Variants in EYS observed in about 807,000 individuals in gnomAD.
EYS encodes protein eyes shut homolog.
In EYS, 250 loss-of-function variants were observed where a neutral mutation model predicts 282.1. The observed-to-expected ratio is 0.89, with a 90% CI of 0.80 to 0.98. The LOEUF is 0.98. Among genes scored for constraint, EYS ranks in the 50% least tolerant of loss-of-function variants. The probability of loss-of-function intolerance (pLI) is 0.00; values close to 1 mark genes in which losing one functional copy is unlikely to be tolerated. For synonymous variants in EYS, 1,355 were observed against 1,282.9 expected, an observed-to-expected ratio of 1.06 and a Z score of -1.20; for missense variants, 4,016 against 3,709.0, an observed-to-expected ratio of 1.08 and a Z score of -2.15.
intron 30 of EYS, among the ~76,000 whole-genome samples, chr6:64,258,477 T>A (rs536653418): frequency 1.8e-4 from 28 of 152,102 alleles, no homozygotes; most frequent in Middle Eastern, 3.4e-3. Flanking sequence ...GCTCAGAGGA[T>A]AAAGTGGGTA....
At chr6:64,430,211 T>C (rs986622574) in intron 28 of EYS, among the ~76,000 whole-genome samples, 1 of 152,190 alleles carries the variant, frequency 6.6e-6, no homozygotes, top group Non-Finnish European at 1.5e-5. Context: ...CTAAAATTTG[T>C]GGTTTCTTTC....
intron 34 of EYS, among the ~76,000 whole-genome samples, chr6:63,994,262 G>A (rs1011944202): frequency 9.2e-5 from 14 of 151,860 alleles, no homozygotes; most frequent in African/African-American, 3.1e-4. Context: ...TAATTACACG[G>A]CATTAAAATT....
chr6:63,830,320 G>C (rs984577551), intron 36 of EYS, among the ~76,000 whole-genome samples: 9 of 152,124 alleles, frequency 5.9e-5, no homozygotes, highest in Non-Finnish European at 1.3e-4. Context: ...TAAAAACCTT[G>C]ATAAAAGATT....
intron 29 of EYS, among the ~76,000 whole-genome samples, chr6:64,341,980 A>G (rs1771132010): frequency 1.3e-5 from 2 of 151,698 alleles, no homozygotes; most frequent in Admixed American, 1.3e-4. Context: ...TAAGTAAACC[A>G]TAAAATATGG....
chr6:65,349,912 G>A (rs1325265500), intron 9 of EYS, among the ~76,000 whole-genome samples: 1 of 151,416 alleles, frequency 6.6e-6, no homozygotes, highest in African/African-American at 2.4e-5. Context: ...GAAGTTGCAT[G>A]TTTTTGTTAA....
chr6:64,590,828 T>A lies in EYS; in HGVS notation c.5039A>T (p.Asn1680Ile), dbSNP rs1010501565. The change falls in exon 26 of 43, where the codon AAT becomes ATT. Residue 1680 changes from asparagine (N) to isoleucine (I), a missense_variant. Transcript: ENST00000503581. ...PSQTISSDLM[N>I]SDLTSKMTTD... ...AGTCATTTTTGAAGTCAAATCAGAATTCATCAAGTCTGAAGAGATAGTTTG... is the reference window on the plus strand; with the variant it reads ...AGTCATTTTTGAAGTCAAATCAGAAATCATCAAGTCTGAAGAGATAGTTTG... 2.6e-6 allele frequency: 4 copies of A among 1,550,376 alleles called. No individual in the cohort carries two copies. The African/African-American group carries it at 5.5e-5, about 21-fold the overall frequency.
At chr6:65,125,144 A>G (rs945909779) in intron 12 of EYS, among the ~76,000 whole-genome samples, 1 of 152,234 alleles carries the variant, frequency 6.6e-6, no homozygotes, top group Admixed American at 6.5e-5. Flanking sequence ...AGACTTTAAA[A>G]TAATGGAAAA....
At chr6:65,053,389 G>A (rs187535537) in intron 13 of EYS, among the ~76,000 whole-genome samples, 190 of 151,786 alleles carry the variant, frequency 1.3e-3, no homozygotes, top group African/African-American at 4.4e-3. Context: ...ATAAAGTTAT[G>A]TATTATTATT....
At chr6:64,798,704 G>T (rs1774441629) in intron 22 of EYS, among the ~76,000 whole-genome samples, 1 of 149,394 alleles carries the variant, frequency 6.7e-6, no homozygotes, top group Admixed American at 6.7e-5. Flanking sequence ...AAGTGGAGGA[G>T]ATCCTTAGTC....
intron 22 of EYS, among the ~76,000 whole-genome samples, chr6:64,692,976 G>GGTTTTTTTTTT (rs1583048324): frequency 3.3e-4 from 1 of 3,068 alleles, no homozygotes; most frequent in African/African-American, 5.7e-4. Flanking sequence ...GGCTGCTTGG[G>GGTTTTTTTTTT]CTTTTTTTTT....
At chr6:64,225,578 A>T (rs1305641029) in intron 31 of EYS, among the ~76,000 whole-genome samples, 1 of 152,120 alleles carries the variant, frequency 6.6e-6, no homozygotes, top group Non-Finnish European at 1.5e-5. Flanking sequence ...CAAAAGATGC[A>T]GACATCTTCT....
chr6:64,621,736 C>T (rs2149853140), intron 23 of EYS, among the ~76,000 whole-genome samples: 1 of 152,258 alleles, frequency 6.6e-6, no homozygotes, highest in South Asian at 2.1e-4. Flanking sequence ...ACTTTAAGGG[C>T]AAAACATGCA....
intron 22 of EYS, among the ~76,000 whole-genome samples, chr6:64,735,374 T>TA (rs1466833534): frequency 1.3e-5 from 2 of 152,228 alleles, no homozygotes; most frequent in African/African-American, 2.4e-5. Flanking sequence ...TGAACCACCG[T>TA]GCCCGGCCAG....
chr6:63,919,684 G>A (rs1463890675), intron 35 of EYS, among the ~76,000 whole-genome samples: 2 of 152,250 alleles, frequency 1.3e-5, no homozygotes, highest in African/African-American at 4.8e-5. Flanking sequence ...TTCCCTAGGT[G>A]AAAGGAAAGT....
intron 26 of EYS, among the ~76,000 whole-genome samples, chr6:64,440,967 C>T (rs929179312): frequency 6.6e-6 from 1 of 152,032 alleles, no homozygotes; most frequent in South Asian, 2.1e-4. Flanking sequence ...TTGAAAACAG[C>T]CCCTATCGGA....
intron 2 of EYS, among the ~76,000 whole-genome samples, chr6:65,627,563 G>A (rs557719769): frequency 6.6e-6 from 1 of 152,138 alleles, no homozygotes; most frequent in Non-Finnish European, 1.5e-5. Context: ...TGCCTGCCGC[G>A]CTTGCGGGCC....
At chr6:64,977,671 A>G (rs1014054774) in intron 14 of EYS, among the ~76,000 whole-genome samples, 1 of 151,688 alleles carries the variant, frequency 6.6e-6, no homozygotes, top group Admixed American at 6.6e-5. Flanking sequence ...GTGAATGAAA[A>G]AAAAAAAAAA....
intron 12 of EYS, among the ~76,000 whole-genome samples, chr6:65,141,628 A>AGTCT (rs199567931): frequency 1.3e-3 from 157 of 120,236 alleles, no homozygotes; most frequent in African/African-American, 4.6e-3. Context: ...TCAGTGAGTC[A>AGTCT]GTCTGTCTGT....
chr6:64,002,534 C>T (rs1002067718), intron 33 of EYS, among the ~76,000 whole-genome samples: 16 of 152,166 alleles, frequency 1.1e-4, no homozygotes, highest in Non-Finnish European at 1.8e-4. Flanking sequence ...TAGATGCTAC[C>T]GCAGGGCCAA....
Sources: gnomAD v4.1 joint callset for allele counts (sites outside exome capture counted in the v4.1 genomes callset) on GRCh38, gnomAD v4.1.1 for gene constraint, MANE v1.5 for transcripts, NCBI Gene and HGNC (gene_info 2026-07-23, HGNC 2026-07-21) for gene names.